LARS2: variants seen among roughly 807,000 people sequenced by gnomAD.
The protein encoded by LARS2 is leucine--tRNA ligase, mitochondrial.
LARS2 carries 81 observed loss-of-function variants against 116.6 expected under a neutral mutation model. The observed-to-expected ratio is 0.69, with a 90% confidence interval of 0.58 to 0.84. The LOEUF (loss-of-function observed/expected upper bound fraction) is 0.84. LARS2 is among the 40% of genes least tolerant of loss of function. LARS2 has a pLI of 0.00. For synonymous variants in LARS2, 396 were observed against 407.2 expected, an observed-to-expected ratio of 0.97 and a Z score of 0.33; for missense variants, 968 against 1,114.5, an observed-to-expected ratio of 0.87 and a Z score of 1.87.
chr3:45,522,591 G>A (rs537518909), intron 19 of LARS2, among the ~76,000 whole-genome samples: 6 of 151,984 alleles, frequency 3.9e-5, no homozygotes, highest in Non-Finnish European at 8.8e-5. Context: ...AATCAGCCAG[G>A]GTGTGGTGGT....
At chr3:45,422,675 T>A (rs546659405) in intron 6 of LARS2, among the ~76,000 whole-genome samples, 25 of 152,332 alleles carry the variant, frequency 1.6e-4, no homozygotes, top group Non-Finnish European at 2.6e-4. Flanking sequence ...CATTTATTAT[T>A]TCATGACTAA....
chr3:45,472,994 G>A (rs1202777236), intron 8 of LARS2, among the ~76,000 whole-genome samples: 1 of 152,240 alleles, frequency 6.6e-6, no homozygotes, highest in African/African-American at 2.4e-5. Context: ...TCTCCCTTGA[G>A]TACAGGGAAT....
chr3:45,440,244 C>T (rs1307175264), intron 6 of LARS2, among the ~76,000 whole-genome samples: 2 of 152,216 alleles, frequency 1.3e-5, no homozygotes, highest in African/African-American at 4.8e-5. Context: ...GCTAGTTTCT[C>T]TGCCTTTGAG....
chr3:45,485,876 G>A lies in LARS2; in HGVS notation c.1123+80G>A, dbSNP rs1224533966. ...AAATACTCCCCTGTTGCTGTCATCT[G>A]GAAGAGCTGACTATAGATTCCATGG... On this transcript the variant is annotated intron_variant, in intron 11 of 21. Transcript: ENST00000645846. 3.9e-6 allele frequency: 3 copies of A among 774,436 alleles called. No homozygotes were observed. In the Admixed American group the frequency reaches 7.2e-5, roughly 19 times the overall value. The allele number at this position is 774,436 out of a possible 1,614,324, so 48.0% of individuals were successfully genotyped here.
Position 45,549,062 on chromosome 3 carries a change from T to A in LARS2, c.*1532T>A, listed in dbSNP as rs370684566. 1.3e-5 allele frequency: 2 copies of A among 152,360 alleles called. No individual in the cohort carries two copies. The highest frequency in any genetic ancestry group is 4.8e-5 in the African/African-American group (2 of 41,590). 9.4% of individuals were successfully genotyped at this position (152,360 alleles called of 1,614,324 possible). On this transcript the variant is annotated 3_prime_UTR_variant, in exon 22 of 22. Coordinates refer to ENST00000645846, the MANE Select transcript of LARS2 (RefSeq NM_015340.4). ...CTAGCAACAGCAATTAAGTCACTGG[T>A]TCTCAGACTTAATACTCTGCCTGGT...
chr3:45,525,937 T>C (rs1700524396), intron 20 of LARS2, among the ~76,000 whole-genome samples: 1 of 152,170 alleles, frequency 6.6e-6, no homozygotes, highest in South Asian at 2.1e-4. Context: ...GCCTCTTTCA[T>C]AGGGGTTGCA....
intron 9 of LARS2, among the ~76,000 whole-genome samples, chr3:45,475,195 A>G (rs1470611341): frequency 6.6e-6 from 1 of 152,204 alleles, no homozygotes; most frequent in Non-Finnish European, 1.5e-5. Flanking sequence ...CAGCTGAGAC[A>G]AAGTTGGCCT....
At chr3:45,403,505 G>A (rs1698187904) in intron 4 of LARS2, among the ~76,000 whole-genome samples, 1 of 152,004 alleles carries the variant, frequency 6.6e-6, no homozygotes, top group African/African-American at 2.4e-5. Context: ...AATTAGAGAC[G>A]GGGTTTCACC....
intron 21 of LARS2, among the ~76,000 whole-genome samples, chr3:45,542,769 C>T (rs1482795320): frequency 1.3e-5 from 2 of 152,224 alleles, no homozygotes; most frequent in Non-Finnish European, 2.9e-5. Context: ...TTCACAAATG[C>T]TTAGCAAGTC....
chr3:45,472,321 T>C (rs1699541624), intron 8 of LARS2, among the ~76,000 whole-genome samples: 2 of 152,152 alleles, frequency 1.3e-5, no homozygotes, highest in Admixed American at 1.3e-4. Context: ...GTTATACTCC[T>C]TAGTGTCAGT....
At chr3:45,453,988 A>T (rs1296673209) in intron 7 of LARS2, among the ~76,000 whole-genome samples, 2 of 152,010 alleles carry the variant, frequency 1.3e-5, no homozygotes, top group South Asian at 2.1e-4. Flanking sequence ...GGTGGGTGTG[A>T]TCTAGAAGGG....
chr3:45,393,838 A>G (rs543128361), intron 2 of LARS2, among the ~76,000 whole-genome samples: 7 of 152,336 alleles, frequency 4.6e-5, no homozygotes, highest in Admixed American at 6.5e-5. Flanking sequence ...AAGTAAGTAA[A>G]TAAATAAATA....
intron 16 of LARS2, among the ~76,000 whole-genome samples, chr3:45,514,828 G>A (rs1335959456): frequency 3.3e-5 from 5 of 152,252 alleles, no homozygotes; most frequent in African/African-American, 1.2e-4. Context: ...AAAGGGGCCA[G>A]TGGTTCCCTG....
chr3:45,492,151 G>A (rs2125733228), intron 13 of LARS2, among the ~76,000 whole-genome samples: 1 of 152,360 alleles, frequency 6.6e-6, no homozygotes. Context: ...GCCACGTGGA[G>A]AGGGGAGAAA....
intron 7 of LARS2, among the ~76,000 whole-genome samples, chr3:45,452,604 G>C (rs1201996298): frequency 6.6e-6 from 1 of 151,988 alleles, no homozygotes; most frequent in Admixed American, 6.6e-5. Flanking sequence ...TTTTGTTGAG[G>C]ATTTTTGCAT....
chr3:45,534,841 A>G (rs1700675920), intron 20 of LARS2, among the ~76,000 whole-genome samples: 2 of 152,264 alleles, frequency 1.3e-5, no homozygotes, highest in Non-Finnish European at 2.9e-5. Context: ...GTTTGCAAAC[A>G]GGATGAGGAA....
chr3:45,414,256 A>G (rs1698379146), intron 4 of LARS2, among the ~76,000 whole-genome samples: 1 of 152,222 alleles, frequency 6.6e-6, no homozygotes, highest in Non-Finnish European at 1.5e-5. Context: ...TACAGTGAAA[A>G]ACCAGAGATA....
At chr3:45,523,401 G>T (rs1700483176) in intron 19 of LARS2, among the ~76,000 whole-genome samples, 1 of 152,150 alleles carries the variant, frequency 6.6e-6, no homozygotes, top group Non-Finnish European at 1.5e-5. Context: ...CAGTGTGCCT[G>T]GGGGCAGATT....
At chr3:45,413,375 G>A (rs989123019) in intron 4 of LARS2, among the ~76,000 whole-genome samples, 2 of 152,240 alleles carry the variant, frequency 1.3e-5, no homozygotes, top group African/African-American at 2.4e-5. Context: ...AGCAGCAAGT[G>A]CTGCCATTTA....
Sources: gnomAD v4.1 joint callset for allele counts (sites outside exome capture counted in the v4.1 genomes callset) on GRCh38, gnomAD v4.1.1 for gene constraint, MANE v1.5 for transcripts, NCBI Gene and HGNC (gene_info 2026-07-23, HGNC 2026-07-21) for gene names.